Variants in SDC3 observed in about 807,000 individuals in gnomAD.
The protein encoded by SDC3 is syndecan-3.
In SDC3, 13 loss-of-function variants were observed where a neutral mutation model predicts 24.4. The ratio of observed to expected loss-of-function variants is 0.53; its 90% CI spans 0.35 to 0.85. The LOEUF is 0.85. SDC3 is among the 40% of genes least tolerant of loss of function. The pLI is 0.01. For missense variants in SDC3, 571 were observed against 584.5 expected (o/e 0.98, Z 0.24); for synonymous variants, 295 against 260.9 (o/e 1.13, Z -1.26).
intron 1 of SDC3, among the ~76,000 whole-genome samples, chr1:30,907,124 G>A (rs753324702): frequency 1.3e-5 from 2 of 152,192 alleles, no homozygotes; most frequent in Non-Finnish European, 2.9e-5. Context: ...TGCAGAGGGC[G>A]GCTGGGCACC....
At chr1:30,900,393 T>A (rs1434841844) in intron 1 of SDC3, among the ~76,000 whole-genome samples, 6 of 152,132 alleles carry the variant, frequency 3.9e-5, no homozygotes, top group Non-Finnish European at 8.8e-5. Flanking sequence ...AGGAACCAGG[T>A]AAGATGCAGC....
Position 30,908,563 on chromosome 1 carries a change from A to G in SDC3, c.24T>C (p.Arg8=). 1.0e-6 allele frequency: 1 copy of G among 972,332 alleles called. No individual in the cohort carries two copies. The highest frequency in any genetic ancestry group is 1.2e-6 in the Non-Finnish European group (1 of 824,356). The allele number at this position is 972,332 out of a possible 1,614,324, so 60.2% of individuals were successfully genotyped here. The change falls in exon 1 of 5, where the codon CGT becomes CGC. Residue 8 remains arginine, a synonymous_variant. Transcript: ENST00000339394. Reference sequence around the variant, plus strand: ...CGCCGGCCCCGTGGGCGGCCCCGGCACGGTGCGGCGGCCCCGGCTTCATGG... The same window carrying G: ...CGCCGGCCCCGTGGGCGGCCCCGGCGCGGTGCGGCGGCCCCGGCTTCATGG... MKPGPPH[R]AGAAHGAGAG...
chr1:30,905,885 C>T (rs1001085275), intron 1 of SDC3, among the ~76,000 whole-genome samples: 3 of 149,860 alleles, frequency 2.0e-5, no homozygotes, highest in African/African-American at 7.4e-5. Flanking sequence ...CACACACACA[C>T]ACACACTGCA....
At chr1:30,880,551 C>T (rs1639727820) in intron 1 of SDC3, 2 of 152,214 alleles carry the variant, frequency 1.3e-5, no homozygotes, top group Admixed American at 6.5e-5. Context: ...CAAGCATCCC[C>T]AATGGCAGGG....
Position 30,874,194 on chromosome 1 carries a change from C to T in SDC3, c.1162+103G>A, listed in dbSNP as rs1326162842. The T allele has an allele frequency of 1.5e-5, 14 of 950,080 alleles. No individual in the cohort carries two copies. The Admixed American group carries it at 3.3e-4, about 22-fold the overall frequency. The allele number at this position is 950,080 out of a possible 1,614,324, so 58.9% of individuals were successfully genotyped here. ...CCTATCTGGCTCCTAGGAAACCACG[C>T]CCTGATCTCCTTTCTGGGTTCCTAG... On this transcript the variant is annotated intron_variant, in intron 4 of 4. Coordinates refer to ENST00000339394, the MANE Select transcript of SDC3 (RefSeq NM_014654.4).
In SDC3 at chr1:30,873,210, A is replaced by C. The variant is rs3766284; in HGVS notation, c.*1T>G. 2 of 1,611,782 alleles carry C rather than the reference A, an allele frequency of 1.2e-6. No homozygotes were observed. Among genetic ancestry groups the C allele is most frequent in the Non-Finnish European group, 8.5e-7 (1 of 1,178,020 alleles). ...GGCTGCAGGGAGGCACTGTGGCTCCACTAGGCATAGAACTCCTCCTGCTTG... is the reference window on the plus strand; with the variant it reads ...GGCTGCAGGGAGGCACTGTGGCTCCCCTAGGCATAGAACTCCTCCTGCTTG... On this transcript the variant is annotated 3_prime_UTR_variant, in exon 5 of 5. Transcript: ENST00000339394.
intron 1 of SDC3, among the ~76,000 whole-genome samples, chr1:30,881,181 C>T (rs962549384): frequency 6.6e-5 from 10 of 151,966 alleles, no homozygotes; most frequent in African/African-American, 1.9e-4. Context: ...AGCCTATAGG[C>T]AATACAGCCC....
At chr1:30,897,132 T>A (rs115570979) in intron 1 of SDC3, among the ~76,000 whole-genome samples, 1,589 of 152,264 alleles carry the variant, frequency 0.01, 9 homozygotes, top group Non-Finnish European at 0.014. Context: ...TGAGCCTGCA[T>A]TCTGGACAGA....
chr1:30,880,175 A>C (rs1272918358), intron 1 of SDC3, among the ~76,000 whole-genome samples: 2 of 152,074 alleles, frequency 1.3e-5, no homozygotes, highest in African/African-American at 2.4e-5. Flanking sequence ...AGCCATCGAC[A>C]TGACAACCGT....
intron 1 of SDC3, among the ~76,000 whole-genome samples, chr1:30,907,907 G>C (rs1638558803): frequency 6.6e-6 from 1 of 152,196 alleles, no homozygotes; most frequent in South Asian, 2.1e-4. Flanking sequence ...CCTCGGAAGG[G>C]GAACCGATCC....
At chr1:30,884,789 T>C (rs189071052) in intron 1 of SDC3, among the ~76,000 whole-genome samples, 69 of 152,264 alleles carry the variant, frequency 4.5e-4, no homozygotes, top group African/African-American at 1.7e-3. Flanking sequence ...ATTTGATCCT[T>C]AGGTCAAGGA....
At chr1:30,889,497 G>A (rs1019604697) in intron 1 of SDC3, among the ~76,000 whole-genome samples, 21 of 152,234 alleles carry the variant, frequency 1.4e-4, no homozygotes, top group East Asian at 1.9e-4. Flanking sequence ...CCTGTCTCCC[G>A]TCTCTGAGCA....
At chr1:30,889,699 C>A (rs565939106) in intron 1 of SDC3, among the ~76,000 whole-genome samples, 2 of 152,158 alleles carry the variant, frequency 1.3e-5, no homozygotes, top group African/African-American at 4.8e-5. Context: ...GTCAGATAAT[C>A]ACAAGCGTTG....
At chr1:30,882,041 C>G (rs1158080743) in intron 1 of SDC3, among the ~76,000 whole-genome samples, 1 of 152,186 alleles carries the variant, frequency 6.6e-6, no homozygotes, top group Non-Finnish European at 1.5e-5. Flanking sequence ...CATAGCATTG[C>G]AGGAGAAGGG....
At chr1:30,894,208 A>AGTGT (rs60206143) in intron 1 of SDC3, among the ~76,000 whole-genome samples, 1 of 143,760 alleles carries the variant, frequency 7.0e-6, no homozygotes, top group African/African-American at 2.6e-5. Flanking sequence ...TGTGCATGAG[A>AGTGT]GTGTGTGTGT....
intron 1 of SDC3, among the ~76,000 whole-genome samples, chr1:30,905,075 A>G (rs995272018): frequency 9.9e-5 from 15 of 152,178 alleles, no homozygotes; most frequent in Admixed American, 3.3e-4. Flanking sequence ...TGTCCCCCAA[A>G]TGCTGGAAGG....
intron 1 of SDC3, 74 bp from the exon 2 acceptor site, chr1:30,878,814 G>A: frequency 1.6e-6 from 2 of 1,247,280 alleles, no homozygotes; most frequent in Middle Eastern, 1.9e-4. Context: ...AAGGGCGACA[G>A]GTGCCCTTGT....
intron 1 of SDC3, among the ~76,000 whole-genome samples, chr1:30,907,722 C>T (rs1638551944): frequency 6.6e-6 from 1 of 152,124 alleles, no homozygotes; most frequent in African/African-American, 2.4e-5. Context: ...CCACAGGTCC[C>T]CGCACCCCTC....
chr1:30,907,244 C>T (rs1338106537), intron 1 of SDC3, among the ~76,000 whole-genome samples: 1 of 152,194 alleles, frequency 6.6e-6, no homozygotes, highest in African/African-American at 2.4e-5. Flanking sequence ...CCCGCCTGAG[C>T]CAGAACCTGG....
Sources: allele counts gnomAD v4.1 joint callset (sites outside exome capture counted in the v4.1 genomes callset), GRCh38; gene constraint gnomAD v4.1.1; transcripts MANE v1.5; gene names NCBI Gene and HGNC (gene_info 2026-07-23, HGNC 2026-07-21).